Variants in HCN1 observed in about 807,000 individuals in gnomAD.
HCN1 encodes the protein potassium/sodium hyperpolarization-activated cyclic nucleotide-gated channel 1.
In HCN1, 13 loss-of-function variants were observed where a neutral mutation model predicts 78.9. The observed-to-expected ratio is 0.16, with a 90% CI of 0.11 to 0.26. The LOEUF is 0.26. Among genes scored for constraint, HCN1 ranks in the 10% least tolerant of loss-of-function variants. HCN1 has a pLI of 1.00. For missense variants in HCN1, 810 were observed against 1,154.3 expected, an observed-to-expected ratio of 0.70 and a Z score of 4.32; for synonymous variants, 552 against 455.5, an observed-to-expected ratio of 1.21 and a Z score of -2.70.
chr5:45,689,863 G>A (rs75632664), intron 1 of HCN1, among the ~76,000 whole-genome samples: 4,980 of 152,126 alleles, frequency 0.033, 264 homozygotes, highest in African/African-American at 0.11. Flanking sequence ...TGGAGGACAG[G>A]TTACATTTTC....
chr5:45,570,624 C>T (rs1743807293), intron 2 of HCN1, among the ~76,000 whole-genome samples: 1 of 152,116 alleles, frequency 6.6e-6, no homozygotes, highest in African/African-American at 2.4e-5. Flanking sequence ...TTTATACCTA[C>T]ATTGTATCCA....
chr5:45,695,524 G>T, intron 1 of HCN1, 145 bp downstream of exon 1: 1 of 733,954 alleles, frequency 1.4e-6, no homozygotes, highest in South Asian at 1.8e-5. Flanking sequence ...GCCGAGTGGA[G>T]CCTGCTTAGC....
At chr5:45,342,683 T>C (rs919485945) in intron 5 of HCN1, among the ~76,000 whole-genome samples, 4 of 152,142 alleles carry the variant, frequency 2.6e-5, no homozygotes, top group Non-Finnish European at 5.9e-5. Context: ...TTTTTAAAAC[T>C]CTTAACTGGT....
chr5:45,561,363 A>G (rs984408008), intron 2 of HCN1, among the ~76,000 whole-genome samples: 1 of 151,998 alleles, frequency 6.6e-6, no homozygotes, highest in African/African-American at 2.4e-5. Context: ...TTCATCTTAA[A>G]CAAATGCAAT....
intron 2 of HCN1, among the ~76,000 whole-genome samples, chr5:45,587,550 G>A (rs1284668346): frequency 6.7e-6 from 1 of 149,776 alleles, no homozygotes; most frequent in African/African-American, 2.5e-5. Context: ...GGCCTCTTGT[G>A]GGGTAGGGGG....
At chr5:45,267,493 G>T (rs1192072001) in intron 6 of HCN1, among the ~76,000 whole-genome samples, 2 of 151,644 alleles carry the variant, frequency 1.3e-5, no homozygotes, top group African/African-American at 2.4e-5. Flanking sequence ...GAGAAGGCCA[G>T]GCGCAGTGGC....
chr5:45,315,004 A>G (rs59254197), intron 5 of HCN1, among the ~76,000 whole-genome samples: 2 of 152,104 alleles, frequency 1.3e-5, no homozygotes, highest in Non-Finnish European at 2.9e-5. Flanking sequence ...AGACAGATCA[A>G]CGAGACAGAA....
intron 1 of HCN1, among the ~76,000 whole-genome samples, chr5:45,647,293 A>G (rs1352465487): frequency 6.6e-6 from 1 of 152,190 alleles, no homozygotes; most frequent in Non-Finnish European, 1.5e-5. Context: ...ATACCATTCA[A>G]CACAATAAGG....
chr5:45,570,245 G>A (rs540036802), intron 2 of HCN1, among the ~76,000 whole-genome samples: 13 of 151,552 alleles, frequency 8.6e-5, no homozygotes, highest in Admixed American at 2.6e-4. Context: ...CTACTTCTAA[G>A]GTATTTTTAT....
intron 2 of HCN1, among the ~76,000 whole-genome samples, chr5:45,612,074 C>A (rs1311948029): frequency 6.6e-6 from 1 of 152,190 alleles, no homozygotes; most frequent in African/African-American, 2.4e-5. Flanking sequence ...ACCCATCACA[C>A]TCACAAGGGT....
chr5:45,334,141 T>C (rs1266963866), intron 5 of HCN1, among the ~76,000 whole-genome samples: 3 of 151,914 alleles, frequency 2.0e-5, no homozygotes, highest in Non-Finnish European at 4.4e-5. Context: ...AAAACAAGCT[T>C]ATATTTTAGT....
At chr5:45,432,774 G>C (rs764666901) in intron 3 of HCN1, among the ~76,000 whole-genome samples, 1 of 152,046 alleles carries the variant, frequency 6.6e-6, no homozygotes. Flanking sequence ...CTATTTATGT[G>C]ATGGTGTGTT....
At chr5:45,396,774 G>C in intron 3 of HCN1, 64 bp from the exon 4 acceptor site, 1 of 1,180,514 alleles carries the variant, frequency 8.5e-7, no homozygotes, top group Non-Finnish European at 1.3e-6. Context: ...AAAGTGAGTA[G>C]GACCTGTACA....
At chr5:45,469,084 C>T (rs968234391) in intron 2 of HCN1, among the ~76,000 whole-genome samples, 10 of 151,934 alleles carry the variant, frequency 6.6e-5, no homozygotes, top group African/African-American at 2.4e-4. Context: ...ATTATAGAGT[C>T]ATATTTAAAA....
chr5:45,261,751 T>C lies in HCN1; in HGVS notation c.*170A>G. On this transcript the variant is annotated 3_prime_UTR_variant, in exon 8 of 8. Coordinates refer to ENST00000303230, the MANE Select transcript of HCN1 (RefSeq NM_021072.4). ...CCTCTCTTGGGAATTTAGATATATA[T>C]TTTATAGTATATGTATATATATTTT... 1 of 677,806 alleles carries C rather than the reference T, an allele frequency of 1.5e-6. No homozygotes were observed. The highest frequency in any genetic ancestry group is 2.0e-5 in the South Asian group (1 of 49,012). 42.0% of individuals were successfully genotyped at this position (677,806 alleles called of 1,614,324 possible). A position where few individuals can be genotyped will look rare whatever the true frequency, so the allele number is the denominator to read the frequency against.
intron 3 of HCN1, among the ~76,000 whole-genome samples, chr5:45,420,450 C>T (rs1740204161): frequency 1.3e-5 from 2 of 152,110 alleles, no homozygotes; most frequent in Admixed American, 6.5e-5. Flanking sequence ...AAGGCTGTCT[C>T]AGGGGAATGT....
intron 4 of HCN1, among the ~76,000 whole-genome samples, chr5:45,358,555 T>C (rs1451578726): frequency 2.0e-5 from 3 of 152,140 alleles, no homozygotes; most frequent in Non-Finnish European, 4.4e-5. Context: ...TACCTATTTA[T>C]ACATGTCTTC....
At chr5:45,363,819 C>G (rs1747174812) in intron 4 of HCN1, among the ~76,000 whole-genome samples, 1 of 152,012 alleles carries the variant, frequency 6.6e-6, no homozygotes, top group Non-Finnish European at 1.5e-5. Flanking sequence ...CCTTTCTCCT[C>G]CTGCCATGAT....
At chr5:45,329,389 G>A (rs1000345957) in intron 5 of HCN1, among the ~76,000 whole-genome samples, 34 of 151,586 alleles carry the variant, frequency 2.2e-4, no homozygotes, top group African/African-American at 7.5e-4. Context: ...TGAAGTCTTA[G>A]AGATAAACAA....
Sources: gnomAD v4.1 joint callset for allele counts (sites outside exome capture counted in the v4.1 genomes callset) on GRCh38, gnomAD v4.1.1 for gene constraint, MANE v1.5 for transcripts, NCBI Gene and HGNC (gene_info 2026-07-23, HGNC 2026-07-21) for gene names.